GRM1: variants seen among roughly 807,000 people sequenced by gnomAD.
GRM1 encodes the protein metabotropic glutamate receptor 1.
In GRM1, 33 loss-of-function variants were observed where a neutral mutation model predicts 90.9. The observed-to-expected ratio is 0.36, with a 90% CI of 0.28 to 0.49. The LOEUF (loss-of-function observed/expected upper bound fraction) is 0.49. Among genes scored for constraint, GRM1 ranks in the 20% least tolerant of loss-of-function variants. The probability of loss-of-function intolerance (pLI) is 0.99; values close to 1 mark genes in which losing one functional copy is unlikely to be tolerated. For synonymous variants in GRM1, 700 were observed against 613.2 expected (o/e 1.14, Z -2.09); for missense variants, 1,190 against 1,534.3 (o/e 0.78, Z 3.75).
chr6:146,162,160 T>C (rs991359301), intron 2 of GRM1, among the ~76,000 whole-genome samples: 1 of 152,208 alleles, frequency 6.6e-6, no homozygotes, highest in Non-Finnish European at 1.5e-5. Flanking sequence ...TTGAAGTTTT[T>C]TGAGATCAGA....
chr6:146,336,767 T>G (rs896554499), intron 3 of GRM1, among the ~76,000 whole-genome samples: 2 of 152,232 alleles, frequency 1.3e-5, no homozygotes, highest in Non-Finnish European at 2.9e-5. Flanking sequence ...CAGTCCCATC[T>G]TGAACCCAGT....
intron 3 of GRM1, among the ~76,000 whole-genome samples, chr6:146,347,039 T>C (rs1183714327): frequency 6.6e-6 from 1 of 152,342 alleles, no homozygotes; most frequent in East Asian, 1.9e-4. Flanking sequence ...CCACTGTACC[T>C]ACGTGCATAG....
At chr6:146,235,953 G>A (rs778470204) in intron 2 of GRM1, among the ~76,000 whole-genome samples, 38 of 151,822 alleles carry the variant, frequency 2.5e-4, no homozygotes, top group Non-Finnish European at 3.8e-4. Flanking sequence ...GCTTCCTTGT[G>A]TGCCTTATAC....
intron 3 of GRM1, among the ~76,000 whole-genome samples, chr6:146,332,344 G>A (rs1784613576): frequency 6.6e-6 from 1 of 152,146 alleles, no homozygotes; most frequent in Non-Finnish European, 1.5e-5. Flanking sequence ...TCCTAAGCCT[G>A]TTTAAGTTGT....
chr6:146,420,755 T>C (rs1442563139), intron 7 of GRM1, among the ~76,000 whole-genome samples: 1 of 152,244 alleles, frequency 6.6e-6, no homozygotes, highest in Admixed American at 6.5e-5. Flanking sequence ...AAGAATCATC[T>C]ATTTGCCTTG....
chr6:146,351,676 C>T (rs1342768282), intron 3 of GRM1, among the ~76,000 whole-genome samples: 2 of 151,924 alleles, frequency 1.3e-5, no homozygotes, highest in African/African-American at 4.8e-5. Context: ...CAATAACTAG[C>T]AAATCTGATT....
chr6:146,058,656 G>A (rs1427882732), intron 1 of GRM1, among the ~76,000 whole-genome samples: 1 of 152,014 alleles, frequency 6.6e-6, no homozygotes, highest in Non-Finnish European at 1.5e-5. Context: ...CGACTTCTCT[G>A]TAGCATACCA....
At chr6:146,270,366 T>C (rs994301473) in intron 2 of GRM1, among the ~76,000 whole-genome samples, 1 of 152,244 alleles carries the variant, frequency 6.6e-6, no homozygotes, top group Non-Finnish European at 1.5e-5. Context: ...GTAAATCTTT[T>C]ATTAAAACTT....
intron 1 of GRM1, among the ~76,000 whole-genome samples, chr6:146,128,450 T>C (rs981286399): frequency 6.6e-6 from 1 of 152,192 alleles, no homozygotes; most frequent in African/African-American, 2.4e-5. Context: ...ATTTTTGAGA[T>C]AAGAAAAATG....
chr6:146,096,880 C>A (rs62434311), intron 1 of GRM1, among the ~76,000 whole-genome samples: 1 of 152,146 alleles, frequency 6.6e-6, no homozygotes, highest in African/African-American at 2.4e-5. Flanking sequence ...GGGTTTAGTA[C>A]AGGAAACAGA....
intron 2 of GRM1, among the ~76,000 whole-genome samples, chr6:146,213,072 A>C (rs1371593705): frequency 6.6e-6 from 1 of 151,878 alleles, no homozygotes; most frequent in Non-Finnish European, 1.5e-5. Context: ...TCTGTAAGAG[A>C]ATATATGGGG....
At chr6:146,188,084 G>A (rs920561033) in intron 2 of GRM1, among the ~76,000 whole-genome samples, 1 of 151,792 alleles carries the variant, frequency 6.6e-6, no homozygotes, top group African/African-American at 2.4e-5. Flanking sequence ...TTTCAAAAAA[G>A]GATTAATTTT....
At chr6:146,150,284 T>G (rs114107561) in intron 1 of GRM1, among the ~76,000 whole-genome samples, 272 of 152,256 alleles carry the variant, frequency 1.8e-3, no homozygotes, top group African/African-American at 6.1e-3. Flanking sequence ...TCATAAGAAA[T>G]TTAGGTAAAA....
At chr6:146,426,304 G>A (rs1321050026) in intron 7 of GRM1, among the ~76,000 whole-genome samples, 1 of 149,814 alleles carries the variant, frequency 6.7e-6, no homozygotes, top group East Asian at 2.0e-4. Context: ...CAAACCTGGG[G>A]TAGACACACA....
chr6:146,121,396 T>C (rs1216887991), intron 1 of GRM1, among the ~76,000 whole-genome samples: 2 of 152,190 alleles, frequency 1.3e-5, no homozygotes, highest in Non-Finnish European at 2.9e-5. Flanking sequence ...AGCTTCTGGA[T>C]TCATTGATTT....
intron 2 of GRM1, among the ~76,000 whole-genome samples, chr6:146,203,414 G>A (rs1779389523): frequency 6.6e-6 from 1 of 152,002 alleles, no homozygotes; most frequent in Non-Finnish European, 1.5e-5. Context: ...TTTCCAGCTA[G>A]CAGACATAGA....
At chr6:146,130,269 T>C (rs1404745969) in intron 1 of GRM1, among the ~76,000 whole-genome samples, 2 of 139,820 alleles carry the variant, frequency 1.4e-5, no homozygotes, top group Non-Finnish European at 3.1e-5. Flanking sequence ...TCCTTCCTTC[T>C]TTCTTTCTTT....
chr6:146,162,588 T>A (rs1777767931), intron 2 of GRM1, among the ~76,000 whole-genome samples: 2 of 152,234 alleles, frequency 1.3e-5, no homozygotes, highest in South Asian at 2.1e-4. Flanking sequence ...AGAAATTAAG[T>A]CAAGTAGTGT....
intron 1 of GRM1, among the ~76,000 whole-genome samples, chr6:146,062,309 TA>T (rs1221456951): frequency 4.0e-5 from 6 of 149,876 alleles, no homozygotes; most frequent in Non-Finnish European, 8.9e-5. Flanking sequence ...CACATGAACA[TA>T]AGGAGGGGAA....
Sources: allele counts gnomAD v4.1 joint callset (sites outside exome capture counted in the v4.1 genomes callset), GRCh38; gene constraint gnomAD v4.1.1; transcripts MANE v1.5; gene names NCBI Gene and HGNC (gene_info 2026-07-23, HGNC 2026-07-21).